Variants in EFNA5 observed in about 807,000 individuals in gnomAD.
EFNA5 encodes ephrin-A5.
Under a neutral mutation model 22.9 loss-of-function variants are expected in EFNA5, and 5 were observed. That is an observed-to-expected ratio of 0.22 (90% CI 0.11 to 0.46). The LOEUF is 0.46. EFNA5 is among the 20% of genes least tolerant of loss of function. EFNA5 has a pLI of 0.99. For missense variants in EFNA5, 237 were observed against 293.3 expected, an observed-to-expected ratio of 0.81 and a Z score of 1.40; for synonymous variants, 113 against 112.2, an observed-to-expected ratio of 1.01 and a Z score of -0.04.
intron 1 of EFNA5, among the ~76,000 whole-genome samples, chr5:107,604,112 T>C (rs1749660371): frequency 6.6e-6 from 1 of 152,066 alleles, no homozygotes; most frequent in South Asian, 2.1e-4. Context: ...CATTTAAAAA[T>C]CAGATAATTA....
intron 1 of EFNA5, among the ~76,000 whole-genome samples, chr5:107,435,315 C>CTTTTTTTTTTTTTTTTTTTTTTT (rs3999107): frequency 7.6e-5 from 8 of 104,644 alleles, no homozygotes; most frequent in African/African-American, 2.0e-4. Flanking sequence ...TGAAGATGCT[C>CTTTTTTTTTTTTTTTTTTTTTTT]TTTTTTTTTT....
chr5:107,533,025 T>C (rs943138007), intron 1 of EFNA5, among the ~76,000 whole-genome samples: 1 of 152,178 alleles, frequency 6.6e-6, no homozygotes, highest in African/African-American at 2.4e-5. Flanking sequence ...TCCTGAGATG[T>C]ACCTTTTTTA....
chr5:107,521,035 C>T (rs190694978), intron 1 of EFNA5, among the ~76,000 whole-genome samples: 1 of 152,194 alleles, frequency 6.6e-6, no homozygotes, highest in Admixed American at 6.5e-5. Context: ...TAAGCATGTG[C>T]CATTTCACCA....
At chr5:107,599,963 A>C (rs1749560104) in intron 1 of EFNA5, among the ~76,000 whole-genome samples, 1 of 152,224 alleles carries the variant, frequency 6.6e-6, no homozygotes, top group Non-Finnish European at 1.5e-5. Context: ...ACTCTCCTCA[A>C]TCTCATGAAT....
At chr5:107,407,878 T>C (rs1397164022) in intron 2 of EFNA5, among the ~76,000 whole-genome samples, 1 of 152,206 alleles carries the variant, frequency 6.6e-6, no homozygotes, top group Non-Finnish European at 1.5e-5. Context: ...AGTTATGATT[T>C]ATTTTTTCTC....
At chr5:107,459,266 TA>T (rs1749773970) in intron 1 of EFNA5, among the ~76,000 whole-genome samples, 1 of 151,156 alleles carries the variant, frequency 6.6e-6, no homozygotes, top group Admixed American at 6.6e-5. Context: ...GAATTGGGAA[TA>T]GCTTGAACCT....
intron 1 of EFNA5, among the ~76,000 whole-genome samples, chr5:107,542,657 C>T (rs1748073432): frequency 6.6e-6 from 1 of 152,144 alleles, no homozygotes; most frequent in Non-Finnish European, 1.5e-5. Flanking sequence ...AAAAACGCCA[C>T]TCACCTGGCT....
In EFNA5 at chr5:107,638,280, T is replaced by C. The variant is rs188427813; in HGVS notation, c.125+32209A>G. ...ATACAACACCGCGTGATCTCACTTA[T>C]ATGCAGAGGCTAAAAAAGTAGAACT... On this transcript the variant is annotated intron_variant, in intron 1 of 4. Coordinates refer to ENST00000333274, the MANE Select transcript of EFNA5 (RefSeq NM_001962.3). Among the ~76,000 whole-genome samples the C allele has an allele frequency of 2.0e-5, 3 of 152,236 alleles. No individual in the cohort carries two copies. The East Asian group carries it at 5.8e-4, about 29-fold the overall frequency.
chr5:107,606,538 AACACACACACACACACACACAC>A (rs58031827), intron 1 of EFNA5, among the ~76,000 whole-genome samples: 4 of 144,082 alleles, frequency 2.8e-5, no homozygotes, highest in East Asian at 4.0e-4. Context: ...TTGCACGTAC[AACACACACACACACACACACAC>A]ACACACACAC....
chr5:107,395,034 C>CTTTTT (rs58619326), intron 2 of EFNA5, among the ~76,000 whole-genome samples: 2 of 86,132 alleles, frequency 2.3e-5, no homozygotes, highest in Admixed American at 1.7e-4. Flanking sequence ...ATTTCTAGTT[C>CTTTTT]TTTTTTTTTT....
intron 1 of EFNA5, among the ~76,000 whole-genome samples, chr5:107,492,443 T>G (rs760989186): frequency 6.6e-6 from 1 of 152,182 alleles, no homozygotes; most frequent in Non-Finnish European, 1.5e-5. Flanking sequence ...GATAATGTGT[T>G]TTTAAAGGAA....
At chr5:107,596,722 G>A (rs946296396) in intron 1 of EFNA5, among the ~76,000 whole-genome samples, 4 of 151,932 alleles carry the variant, frequency 2.6e-5, no homozygotes, top group Non-Finnish European at 5.9e-5. Context: ...GCAAAAGGAG[G>A]TAGATGGAAT....
intron 1 of EFNA5, among the ~76,000 whole-genome samples, chr5:107,439,761 G>C (rs1056812209): frequency 6.6e-6 from 1 of 152,166 alleles, no homozygotes; most frequent in African/African-American, 2.4e-5. Context: ...GTGTTATCTC[G>C]CTGTTTTAGC....
At chr5:107,662,056 GA>G (rs1033960254) in intron 1 of EFNA5, among the ~76,000 whole-genome samples, 1 of 151,366 alleles carries the variant, frequency 6.6e-6, no homozygotes, top group African/African-American at 2.4e-5. Flanking sequence ...GAAACAGCAA[GA>G]AAAAAAACAA....
At chr5:107,658,094 T>C (rs1250236879) in intron 1 of EFNA5, among the ~76,000 whole-genome samples, 2 of 152,188 alleles carry the variant, frequency 1.3e-5, no homozygotes, top group African/African-American at 2.4e-5. Flanking sequence ...AAGTCTTTTA[T>C]AACTCCATTG....
Position 107,616,664 on chromosome 5 carries a change from T to G in EFNA5, c.125+53825A>C, listed in dbSNP as rs534755843. On this transcript the variant is annotated intron_variant, in intron 1 of 4. Coordinates refer to ENST00000333274, the MANE Select transcript of EFNA5 (RefSeq NM_001962.3). ...AAAGGAAGAAAGAAAAGAGCCACATTTCAGTTGCTAGTAGAAAGTATCCTG... is the reference window on the plus strand; with the variant it reads ...AAAGGAAGAAAGAAAAGAGCCACATGTCAGTTGCTAGTAGAAAGTATCCTG... Among the ~76,000 whole-genome samples, 4 of 152,256 alleles carry G rather than the reference T, an allele frequency of 2.6e-5. No individual in the cohort carries two copies. The East Asian group carries it at 5.8e-4, about 22-fold the overall frequency.
intron 1 of EFNA5, among the ~76,000 whole-genome samples, chr5:107,542,517 C>A (rs1222070375): frequency 1.3e-5 from 2 of 151,992 alleles, no homozygotes; most frequent in East Asian, 3.9e-4. Context: ...TCATAAACTT[C>A]CCACTTTCCT....
At chr5:107,510,403 G>C (rs1057186411) in intron 1 of EFNA5, among the ~76,000 whole-genome samples, 1 of 152,120 alleles carries the variant, frequency 6.6e-6, no homozygotes, top group Non-Finnish European at 1.5e-5. Context: ...AGAAATAACT[G>C]TAAGTATCCT....
intron 1 of EFNA5, among the ~76,000 whole-genome samples, chr5:107,473,080 C>T (rs962834515): frequency 4.6e-5 from 7 of 152,076 alleles, no homozygotes; most frequent in African/African-American, 1.4e-4. Context: ...CCCCAGCCAC[C>T]GTTTTTCTGC....
Sources: allele counts gnomAD v4.1 joint callset (sites outside exome capture counted in the v4.1 genomes callset), GRCh38; gene constraint gnomAD v4.1.1; transcripts MANE v1.5; gene names NCBI Gene and HGNC (gene_info 2026-07-23, HGNC 2026-07-21).